The following SEPTIN7 variants were observed in gnomAD, a reference collection of about 807,000 sequenced individuals.
SEPTIN7 encodes the protein septin-7.
In SEPTIN7, 10 loss-of-function variants were observed where a neutral mutation model predicts 63.3. The ratio of observed to expected loss-of-function variants is 0.16; its 90% CI spans 0.10 to 0.27. The LOEUF (loss-of-function observed/expected upper bound fraction) is 0.27, where lower values mean the gene tolerates loss of function less well. Among genes scored for constraint, SEPTIN7 ranks in the 10% least tolerant of loss-of-function variants. SEPTIN7 has a pLI of 1.00. For missense variants in SEPTIN7, 310 were observed against 521.0 expected, an observed-to-expected ratio of 0.59 and a Z score of 3.94; for synonymous variants, 131 against 165.3, an observed-to-expected ratio of 0.79 and a Z score of 1.59.
chr7:35,824,983 T>TA (rs1316596276), intron 1 of SEPTIN7, among the ~76,000 whole-genome samples: 1 of 152,204 alleles, frequency 6.6e-6, no homozygotes, highest in African/African-American at 2.4e-5. Flanking sequence ...TAGCCACATG[T>TA]AGCTAGTGGC....
Position 35,834,225 on chromosome 7 carries a change from C to T in SEPTIN7, c.169+1325C>T, listed in dbSNP as rs1470572373. Reference sequence around the variant, plus strand: ...TAGACAAATACAATTTTTTCACTTACGGGAAAACCTCCTAGGTCCATTAGG... The same window carrying T: ...TAGACAAATACAATTTTTTCACTTATGGGAAAACCTCCTAGGTCCATTAGG... On this transcript the variant is annotated intron_variant, in intron 3 of 13. Coordinates refer to ENST00000350320, the MANE Select transcript of SEPTIN7 (RefSeq NM_001788.6). 5.3e-5 allele frequency among the ~76,000 whole-genome samples: 8 copies of T among 151,830 alleles called. No individual in the cohort carries two copies. In the South Asian group the frequency reaches 1.2e-3, roughly 24 times the overall value.
chr7:35,878,771 G>A lies in SEPTIN7; in HGVS notation c.513-1052G>A, dbSNP rs193138821. On this transcript the variant is annotated intron_variant, in intron 6 of 13. Transcript: ENST00000350320. ...AATGCCATTCACTGAGATAGGAAGC[G>A]TAGAAGAGGGAAAATGGGGGTTCAG... is the stretch of plus-strand genomic sequence containing the variant. 3.9e-4 allele frequency among the ~76,000 whole-genome samples: 59 copies of A among 152,258 alleles called. 1 individual carries two copies. The East Asian group carries it at 8.3e-3, about 21-fold the overall frequency.
intron 1 of SEPTIN7, among the ~76,000 whole-genome samples, chr7:35,804,728 A>C (rs1788211192): frequency 6.6e-6 from 1 of 152,160 alleles, no homozygotes; most frequent in African/African-American, 2.4e-5. Flanking sequence ...AGCCTACTAT[A>C]CACCTGGGCT....
Position 35,873,831 on chromosome 7 carries a change from T to C in SEPTIN7, c.512+56T>C, listed in dbSNP as rs908816755. 6.0e-6 allele frequency: 9 copies of C among 1,507,768 alleles called. No individual in the cohort carries two copies. The African/African-American group carries it at 1.1e-4, about 18-fold the overall frequency. 93.4% of individuals were successfully genotyped at this position (1,507,768 alleles called of 1,614,324 possible). ...TTGTTGTTGTTGCTTACTGTTACCT[T>C]TATGTGCATACTTTAGTAATCTTTA... On this transcript the variant is annotated intron_variant, in intron 6 of 13. Coordinates refer to ENST00000350320, the MANE Select transcript of SEPTIN7 (RefSeq NM_001788.6).
intron 1 of SEPTIN7, among the ~76,000 whole-genome samples, chr7:35,816,701 A>G (rs1371585483): frequency 1.3e-5 from 2 of 152,170 alleles, no homozygotes; most frequent in Non-Finnish European, 2.9e-5. Context: ...CCAGCAGTGT[A>G]TGAGAGTTCC....
At chr7:35,885,996 A>C in intron 10 of SEPTIN7, 117 bp downstream of exon 10, 3 of 686,762 alleles carry the variant, frequency 4.4e-6, no homozygotes, top group South Asian at 3.6e-5. Flanking sequence ...TCTTCAGTCT[A>C]GCCATGAAGT....
At chr7:35,844,639 G>T (rs561810394) in intron 3 of SEPTIN7, among the ~76,000 whole-genome samples, 4 of 151,652 alleles carry the variant, frequency 2.6e-5, no homozygotes, top group African/African-American at 4.8e-5. Context: ...TCACTCTGTT[G>T]CCCAGGCTAG....
At chr7:35,859,927 A>G (rs1406081677) in intron 3 of SEPTIN7, among the ~76,000 whole-genome samples, 2 of 152,140 alleles carry the variant, frequency 1.3e-5, no homozygotes, top group Non-Finnish European at 2.9e-5. Context: ...CATTTTATCT[A>G]TTATGACATT....
chr7:35,851,043 C>T (rs190775066), intron 3 of SEPTIN7, among the ~76,000 whole-genome samples: 1 of 152,192 alleles, frequency 6.6e-6, no homozygotes, highest in Non-Finnish European at 1.5e-5. Context: ...CTATTATAAA[C>T]AAATATTATT....
intron 1 of SEPTIN7, among the ~76,000 whole-genome samples, chr7:35,818,236 T>C (rs1397481032): frequency 6.6e-6 from 1 of 152,112 alleles, no homozygotes; most frequent in Non-Finnish European, 1.5e-5. Flanking sequence ...GAGATGATTA[T>C]GTGTTTGTTG....
chr7:35,813,824 C>T (rs1334575936), intron 1 of SEPTIN7, among the ~76,000 whole-genome samples: 1 of 152,160 alleles, frequency 6.6e-6, no homozygotes, highest in African/African-American at 2.4e-5. Flanking sequence ...GATCATTTCA[C>T]ATTCGATAGT....
chr7:35,849,804 G>A (rs1345533437), intron 3 of SEPTIN7, among the ~76,000 whole-genome samples: 1 of 152,094 alleles, frequency 6.6e-6, no homozygotes, highest in Non-Finnish European at 1.5e-5. Flanking sequence ...CCTTCTGGTT[G>A]TCTTTTTCTT....
rs542359569 is a variant in SEPTIN7, at chr7:35,801,087, C to T, written c.-123C>T. ...AGCGAGAGCCTGTGGAGGAGTCCGCCTGCTGTAGCGTGCGTAAGCAAGGCA... is the reference window on the plus strand; with the variant it reads ...AGCGAGAGCCTGTGGAGGAGTCCGCTTGCTGTAGCGTGCGTAAGCAAGGCA... On this transcript the variant is annotated 5_prime_UTR_variant, in exon 1 of 14. Coordinates refer to ENST00000350320, the MANE Select transcript of SEPTIN7 (RefSeq NM_001788.6). 12 of 689,808 alleles carry T rather than the reference C, an allele frequency of 1.7e-5. No homozygotes were observed. In the South Asian group the frequency reaches 2.8e-4, roughly 16 times the overall value. The allele number at this position is 689,808 out of a possible 1,614,324, so 42.7% of individuals were successfully genotyped here. A position where few individuals can be genotyped will look rare whatever the true frequency, so the allele number is the denominator to read the frequency against.
intron 1 of SEPTIN7, among the ~76,000 whole-genome samples, chr7:35,816,566 G>A (rs1441322933): frequency 6.6e-6 from 1 of 152,126 alleles, no homozygotes; most frequent in African/African-American, 2.4e-5. Context: ...TGGACCTATA[G>A]TTTTCAATTC....
In SEPTIN7 at chr7:35,890,910, A is replaced by G. The variant is rs1437804851; in HGVS notation, c.998+117A>G. 2.8e-5 allele frequency: 23 copies of G among 834,418 alleles called. No individual in the cohort carries two copies. The East Asian group carries it at 7.0e-4, about 25-fold the overall frequency. 51.7% of individuals were successfully genotyped at this position (834,418 alleles called of 1,614,324 possible). A position where few individuals can be genotyped will look rare whatever the true frequency, so the allele number is the denominator to read the frequency against. On this transcript the variant is annotated intron_variant, in intron 11 of 13. Transcript: ENST00000350320. ...GTAGAAAATTTGGATAATGTTCTTT[A>G]TGCACAGCAGCATAAATTTATATTG...
intron 3 of SEPTIN7, among the ~76,000 whole-genome samples, chr7:35,862,101 C>T (rs1320756609): frequency 6.6e-6 from 1 of 152,036 alleles, no homozygotes; most frequent in Non-Finnish European, 1.5e-5. Context: ...ATGAAAATAG[C>T]AGAATCATAT....
At chr7:35,904,206 G>C in intron 13 of SEPTIN7, 48 bp from the exon 14 acceptor site, 1 of 1,403,594 alleles carries the variant, frequency 7.1e-7, no homozygotes, top group Non-Finnish European at 9.7e-7. Flanking sequence ...TGTCTATCAT[G>C]TTTATAAAAT....
chr7:35,895,512 A>G (rs1326933151), intron 11 of SEPTIN7, among the ~76,000 whole-genome samples: 1 of 152,240 alleles, frequency 6.6e-6, no homozygotes, highest in Non-Finnish European at 1.5e-5. Context: ...TTGCAGGTTT[A>G]AAACTTTCAA....
intron 2 of SEPTIN7, chr7:35,832,088 C>A: frequency 2.2e-6 from 1 of 453,630 alleles, no homozygotes. Context: ...AGATTTCTTT[C>A]AGTTACTCAC....
Sources: allele counts gnomAD v4.1 joint callset (sites outside exome capture counted in the v4.1 genomes callset), GRCh38; gene constraint gnomAD v4.1.1; transcripts MANE v1.5; gene names NCBI Gene and HGNC (gene_info 2026-07-23, HGNC 2026-07-21).